UVSSA: variants seen among roughly 807,000 people sequenced by gnomAD.
UVSSA encodes the protein UV-stimulated scaffold protein A.
In UVSSA, 72 loss-of-function variants were observed where a neutral mutation model predicts 73.9. The ratio of observed to expected loss-of-function variants is 0.97; its 90% CI spans 0.81 to 1.19. The LOEUF (loss-of-function observed/expected upper bound fraction) is 1.19. UVSSA is among the 50% of genes most tolerant of loss of function. The probability of loss-of-function intolerance (pLI) is 0.00; values close to 1 mark genes in which losing one functional copy is unlikely to be tolerated. For missense variants in UVSSA, 1,150 were observed against 965.0 expected (o/e 1.19, Z -2.54); for synonymous variants, 454 against 391.3 (o/e 1.16, Z -1.89).
intron 8 of UVSSA, among the ~76,000 whole-genome samples, chr4:1,369,736 C>T (rs750733629): frequency 1.3e-5 from 2 of 152,386 alleles, no homozygotes; most frequent in South Asian, 2.1e-4. Context: ...CATCGATTCC[C>T]TCCCTCACTG....
chr4:1,366,118 C>T, intron 7 of UVSSA: 3 of 489,032 alleles, frequency 6.1e-6, no homozygotes, highest in East Asian at 3.4e-5. Context: ...AGCACAGGGG[C>T]AGTGCAGAGG....
At position 1,348,137 on chromosome 4, in the gene UVSSA, G is replaced by A. The variant is rs1033756212; in HGVS notation, c.46G>A (p.Gly16Arg). 1 of 1,613,934 alleles carries A rather than the reference G, an allele frequency of 6.2e-7. No individual in the cohort carries two copies. Among genetic ancestry groups the A allele is most frequent in the Non-Finnish European group, 8.5e-7 (1 of 1,179,984 alleles). Residue 16 changes from glycine to arginine, a missense_variant, in exon 2 of 14, where the codon GGA (glycine) becomes AGA (arginine). Physicochemically the swap from Gly to Arg is moderately radical, Grantham distance 125. Transcript: ENST00000389851. ...GTTGGTAGAAGAGCTCACAACTTCA[G>A]GAGAACCCCGACTAAATCCTGAGAA... The part of the protein sequence containing the change: ...SKLVEELTTS[G>R]EPRLNPEKMK...
At chr4:1,391,034 A>G (rs1720399481), downstream of UVSSA, 1 of 150,218 alleles carries the variant, frequency 6.7e-6, no homozygotes, top group South Asian at 2.1e-4. Context: ...GTTGGGTCAG[A>G]GGTTGGTTTG....
chr4:1,395,161 G>A lies in UVSSA; in HGVS notation c.*9200G>A, dbSNP rs1372619649. On this transcript the variant is annotated 3_prime_UTR_variant, in exon 14 of 14. Coordinates refer to the UVSSA transcript ENST00000511216. ...GCCTGCTCACACGTGCCCATGTGGA[G>A]TGTTCGCCTGCTCACACGTGCCGAT... 5 of 1,193,692 alleles carry A rather than the reference G, an allele frequency of 4.2e-6. 1 individual carries two copies. Among genetic ancestry groups the A allele is most frequent in the Non-Finnish European group, 4.7e-6 (4 of 856,906 alleles). The allele number at this position is 1,193,692 out of a possible 1,614,324, so 73.9% of individuals were successfully genotyped here.
chr4:1,372,359 A>G (rs1258848859), intron 8 of UVSSA, among the ~76,000 whole-genome samples: 1 of 151,992 alleles, frequency 6.6e-6, no homozygotes, highest in African/African-American at 2.4e-5. Flanking sequence ...TTTCTCTCCG[A>G]CTTCTGCTGC....
At chr4:1,380,260 G>A in intron 11 of UVSSA, 30 bp downstream of exon 11, 1 of 1,596,274 alleles carries the variant, frequency 6.3e-7, no homozygotes, top group Non-Finnish European at 8.5e-7. Context: ...GCGGGGGTGG[G>A]TGTGGGCTGG....
At chr4:1,373,967 C>T (rs1718440143) in intron 8 of UVSSA, among the ~76,000 whole-genome samples, 1 of 152,202 alleles carries the variant, frequency 6.6e-6, no homozygotes, top group Non-Finnish European at 1.5e-5. Context: ...GCCCGTAGCT[C>T]CTGGGGAGCG....
chr4:1,385,821 C>A (rs73077587), intron 13 of UVSSA, 47 bp from the exon 14 acceptor site: 2 of 1,603,952 alleles, frequency 1.2e-6, no homozygotes, highest in East Asian at 4.5e-5. Context: ...GAGCCCAGGC[C>A]CCTGGCGGAA....
chr4:1,353,491 C>T (rs1715135230), intron 5 of UVSSA, 78 bp downstream of exon 5: 1 of 1,427,020 alleles, frequency 7.0e-7, no homozygotes. Flanking sequence ...TGGCACCCGG[C>T]CCAGGAGCCT....
chr4:1,361,057 C>T (rs1360146788), intron 7 of UVSSA, among the ~76,000 whole-genome samples: 2 of 152,242 alleles, frequency 1.3e-5, no homozygotes, highest in Non-Finnish European at 2.9e-5. Context: ...CCCAGGACCC[C>T]CGGCCCGCAT....
rs534978786 is a variant in UVSSA, at chr4:1,351,705, A to T, written c.430-10A>T. On this transcript the variant is annotated splice_polypyrimidine_tract_variant and intron_variant, in intron 3 of 13. Coordinates refer to ENST00000389851, the MANE Select transcript of UVSSA (RefSeq NM_020894.4). ...CGCCTGTCCCCTAGTCTTTATTTTC[A>T]ATTGCTCAGGTGGATTTTCAAGACA... The T allele has an allele frequency of 6.2e-7, 1 of 1,612,390 alleles. No individual in the cohort carries two copies. The highest frequency in any genetic ancestry group is 1.3e-5 in the African/African-American group (1 of 74,982).
intron 10 of UVSSA, among the ~76,000 whole-genome samples, chr4:1,379,330 C>T (rs1273403639): frequency 6.6e-6 from 1 of 152,230 alleles, no homozygotes; most frequent in East Asian, 1.9e-4. Flanking sequence ...CACTTCTCCC[C>T]TGCCTGGGCA....
In UVSSA at chr4:1,351,812, G is replaced by T. The variant is rs1276305647; in HGVS notation, c.527G>T (p.Ser176Ile). The T allele has an allele frequency of 6.2e-7, 1 of 1,613,562 alleles. No homozygotes were observed. The highest frequency in any genetic ancestry group is 1.7e-5 in the Admixed American group (1 of 60,022). ...GATAAAATTTATCAAGAAAGAGCCA[G>T]CCAGGCGGAGAGGGAGATGCAAGGC... is the stretch of plus-strand genomic sequence containing the variant. ...HLDKIYQERA[S>I]QAEREMQEMS... is the part of the protein sequence containing the mutation. Residue 176 changes from serine (S) to isoleucine (I), a missense_variant, in exon 4 of 14, where the codon AGC becomes ATC. Physicochemically the swap from Ser to Ile is moderately radical, Grantham distance 142 (BLOSUM62 -2). Transcript: ENST00000389851.
chr4:1,371,256 CTGTGTGTGTGTG>C (rs34839757), intron 8 of UVSSA, among the ~76,000 whole-genome samples: 14 of 146,622 alleles, frequency 9.5e-5, no homozygotes, highest in South Asian at 4.4e-4. Context: ...GTGGGTGGAC[CTGTGTGTGTGTG>C]TGTGTGTGTG....
chr4:1,374,735 G>A (rs1410564242), intron 8 of UVSSA, among the ~76,000 whole-genome samples: 1 of 152,234 alleles, frequency 6.6e-6, no homozygotes, highest in African/African-American at 2.4e-5. Flanking sequence ...GGCCCCTGTG[G>A]CTGTCAGAGG....
At position 1,386,182 on chromosome 4, in the gene UVSSA, G is replaced by A. The variant is rs1450070284; in HGVS notation, c.*221G>A. On this transcript the variant is annotated 3_prime_UTR_variant, in exon 14 of 14. Transcript: ENST00000389851. The stretch of plus-strand genomic sequence containing the variant: ...TCTGGCCTCGCAGAAGAGGCCCTCG[G>A]GCCTGGAGATGTGAACACAGGCAGC... 1.8e-6 allele frequency: 1 copy of A among 540,734 alleles called. No individual in the cohort carries two copies. Among genetic ancestry groups the A allele is most frequent in the African/African-American group, 1.9e-5 (1 of 52,544 alleles). The allele number at this position is 540,734 out of a possible 1,614,324, so 33.5% of individuals were successfully genotyped here.
rs745810389 is a variant in UVSSA, at chr4:1,395,207, C to T, written c.*9246C>T. On this transcript the variant is annotated 3_prime_UTR_variant, in exon 14 of 14. Transcript: ENST00000511216. ...CCGATGCGGAGTGCCCGCCTGCTCA[C>T]ACGTGCCGATGCGGAGTGCCCGCCT... is the stretch of plus-strand genomic sequence containing the variant. The T allele has an allele frequency of 6.1e-6, 9 of 1,463,506 alleles. 3 individuals are homozygous for T. The highest frequency in any genetic ancestry group is 8.2e-6 in the Non-Finnish European group (9 of 1,092,562). The allele number at this position is 1,463,506 out of a possible 1,614,324, so 90.7% of individuals were successfully genotyped here.
At chr4:1,364,697 C>G (rs141865501) in intron 7 of UVSSA, among the ~76,000 whole-genome samples, 1 of 152,128 alleles carries the variant, frequency 6.6e-6, no homozygotes, top group African/African-American at 2.4e-5. Flanking sequence ...GCTGTGGGAA[C>G]AGGAATGCAG....
intron 12 of UVSSA, among the ~76,000 whole-genome samples, 177 bp downstream of exon 12, chr4:1,381,165 T>TG (rs1444379254): frequency 6.6e-6 from 1 of 152,110 alleles, no homozygotes; most frequent in Admixed American, 6.5e-5. Context: ...CTGAGGGTCC[T>TG]GGGTTTGGGG....
Sources: gnomAD v4.1 joint callset for allele counts (sites outside exome capture counted in the v4.1 genomes callset) on GRCh38, gnomAD v4.1.1 for gene constraint, MANE v1.5 for transcripts, NCBI Gene and HGNC (gene_info 2026-07-23, HGNC 2026-07-21) for gene names.